The following GSE1 variants were observed in gnomAD, a reference collection of about 807,000 sequenced individuals.
GSE1 encodes Gse1 coiled-coil protein.
GSE1 carries 32 observed loss-of-function variants against 112.6 expected under a neutral mutation model. The ratio of observed to expected loss-of-function variants is 0.28; its 90% CI spans 0.21 to 0.38. The LOEUF is 0.38. Among genes scored for constraint, GSE1 ranks in the 10% least tolerant of loss-of-function variants. GSE1 has a pLI of 1.00. For missense variants in GSE1, 2,348 were observed against 1,699.2 expected (o/e 1.38, Z -6.71); for synonymous variants, 1,115 against 735.6 (o/e 1.52, Z -8.35).
At chr16:85,446,596 C>A (rs927666878) in intron 2 of GSE1, among the ~76,000 whole-genome samples, 2 of 152,136 alleles carry the variant, frequency 1.3e-5, no homozygotes, top group Non-Finnish European at 2.9e-5. Context: ...CAGAGGGTAG[C>A]CCGGGGTGGG....
At chr16:85,601,732 C>T (rs576153755) in intron 1 of GSE1, among the ~76,000 whole-genome samples, 1 of 152,302 alleles carries the variant, frequency 6.6e-6, no homozygotes, top group East Asian at 1.9e-4. Flanking sequence ...ACAAGAGCCG[C>T]AGCAGAGGGT....
At chr16:85,644,764 G>A (rs1298344137) in intron 2 of GSE1, among the ~76,000 whole-genome samples, 1 of 152,010 alleles carries the variant, frequency 6.6e-6, no homozygotes, top group African/African-American at 2.4e-5. Flanking sequence ...GAACCGTGGG[G>A]CCGCGCGCTG....
Position 85,397,995 on chromosome 16 carries a change from G to T in GSE1, c.2464+40352G>T, listed in dbSNP as rs540062247. On this transcript the variant is annotated intron_variant, in intron 2 of 2. Coordinates refer to the GSE1 transcript ENST00000637419. ...CCGAATCGTGGGGGTGGGGTTGGGG[G>T]TGGGGGCTGCAGACCTTGGTGTATT... Among the ~76,000 whole-genome samples, 20 of 151,760 alleles carry T rather than the reference G, an allele frequency of 1.3e-4. No individual in the cohort carries two copies. The South Asian group carries it at 4.0e-3, about 30-fold the overall frequency.
chr16:85,379,501 G>C (rs559297675), intron 2 of GSE1, among the ~76,000 whole-genome samples: 333 of 152,312 alleles, frequency 2.2e-3, no homozygotes, highest in Non-Finnish European at 3.9e-3. Flanking sequence ...CATAGTAGGT[G>C]CTTCCATGTA....
intron 1 of GSE1, among the ~76,000 whole-genome samples, chr16:85,355,170 T>G (rs1157080764): frequency 6.6e-6 from 1 of 152,048 alleles, no homozygotes; most frequent in African/African-American, 2.4e-5. Context: ...CCCGAGGAAT[T>G]CTGAACCATC....
intron 1 of GSE1, among the ~76,000 whole-genome samples, chr16:85,585,400 T>C (rs182239396): frequency 6.6e-6 from 1 of 152,336 alleles, no homozygotes; most frequent in East Asian, 1.9e-4. Context: ...ATTTTCAGGG[T>C]GCCCAGGCAT....
chr16:85,448,599 C>T (rs2049578161), intron 2 of GSE1, among the ~76,000 whole-genome samples: 1 of 152,228 alleles, frequency 6.6e-6, no homozygotes, highest in Non-Finnish European at 1.5e-5. Context: ...AGAGCCGACC[C>T]TGTGGCCATT....
intron 2 of GSE1, among the ~76,000 whole-genome samples, chr16:85,481,133 C>G (rs1012719236): frequency 9.2e-5 from 14 of 152,260 alleles, no homozygotes; most frequent in African/African-American, 7.2e-5. Flanking sequence ...CTTCTCTCCC[C>G]ACCCGGTCCA....
intron 15 of GSE1, 138 bp from the exon 16 acceptor site, chr16:85,672,265 GAT>G: frequency 1.5e-6 from 1 of 656,812 alleles, no homozygotes; most frequent in Non-Finnish European, 2.8e-6. Context: ...AAAGTGCTGG[GAT>G]TACAGGCGTG....
At chr16:85,181,639 C>T (rs1048247591) in intron 1 of GSE1, among the ~76,000 whole-genome samples, 1 of 152,234 alleles carries the variant, frequency 6.6e-6, no homozygotes, top group Non-Finnish European at 1.5e-5. Context: ...ACCTAGTCTC[C>T]CGCTTCGGGT....
chr16:85,618,292 A>G (rs1208466107), intron 1 of GSE1, among the ~76,000 whole-genome samples: 1 of 152,088 alleles, frequency 6.6e-6, no homozygotes, highest in Non-Finnish European at 1.5e-5. Flanking sequence ...TCTCATCTGT[A>G]AGACGAGGAT....
chr16:85,330,728 A>C (rs1476803651), intron 1 of GSE1, among the ~76,000 whole-genome samples: 1 of 152,226 alleles, frequency 6.6e-6, no homozygotes, highest in Non-Finnish European at 1.5e-5. Context: ...CCCGGATCCC[A>C]GAGTCTGCCC....
At chr16:85,635,385 T>A (rs1195190943) in intron 2 of GSE1, among the ~76,000 whole-genome samples, 3 of 151,956 alleles carry the variant, frequency 2.0e-5, no homozygotes, top group Non-Finnish European at 4.4e-5. Flanking sequence ...GGCAGGGGAC[T>A]CCCTGGCCAC....
intron 1 of GSE1, among the ~76,000 whole-genome samples, chr16:85,280,787 G>A (rs1017871472): frequency 1.3e-5 from 2 of 152,220 alleles, no homozygotes; most frequent in African/African-American, 4.8e-5. Context: ...AGCTGTGTCA[G>A]TGTCTCTCCA....
chr16:85,511,528 CAA>C (rs71151298), intron 2 of GSE1, among the ~76,000 whole-genome samples: 48 of 114,920 alleles, frequency 4.2e-4, no homozygotes, highest in Admixed American at 5.2e-4. Context: ...AACTCCATCT[CAA>C]AAAAAAAAAA....
chr16:85,271,849 C>T (rs1452182969), intron 1 of GSE1, among the ~76,000 whole-genome samples: 1 of 152,182 alleles, frequency 6.6e-6, no homozygotes, highest in Non-Finnish European at 1.5e-5. Flanking sequence ...CAATGGGTCA[C>T]ATTCTGGTTA....
intron 1 of GSE1, among the ~76,000 whole-genome samples, chr16:85,626,707 G>T (rs1202396538): frequency 6.6e-6 from 1 of 152,212 alleles, no homozygotes; most frequent in African/African-American, 2.4e-5. Flanking sequence ...AGCACAGAGG[G>T]AGCAGGCCTG....
chr16:85,467,764 C>A (rs937116690), intron 2 of GSE1, among the ~76,000 whole-genome samples: 11 of 152,302 alleles, frequency 7.2e-5, no homozygotes, highest in African/African-American at 2.6e-4. Flanking sequence ...GGAGATACCC[C>A]CTCCAGATGG....
At chr16:85,208,811 T>C (rs1456541901) in intron 1 of GSE1, among the ~76,000 whole-genome samples, 3 of 106,768 alleles carry the variant, frequency 2.8e-5, no homozygotes, top group Non-Finnish European at 6.7e-5. Flanking sequence ...TGTTGGGGTT[T>C]GCCACGTGTT....
Sources: gnomAD v4.1 joint callset for allele counts (sites outside exome capture counted in the v4.1 genomes callset) on GRCh38, gnomAD v4.1.1 for gene constraint, MANE v1.5 for transcripts, NCBI Gene and HGNC (gene_info 2026-07-23, HGNC 2026-07-21) for gene names.